The following NOP58 variants were observed in gnomAD, a reference collection of about 807,000 sequenced individuals.
NOP58 encodes NOP58 ribonucleoprotein, also known as nucleolar protein 58.
A neutral mutation model predicts 71.2 loss-of-function variants in NOP58; 44 were observed. The observed-to-expected ratio is 0.62, with a 90% CI of 0.49 to 0.79. NOP58 has a LOEUF of 0.79. Ranked by LOEUF, NOP58 falls within the 30% of genes least tolerant of loss-of-function variation. The pLI, the probability that NOP58 is intolerant of heterozygous loss-of-function variation, is 0.00. For synonymous variants in NOP58, 228 were observed against 200.3 expected, an observed-to-expected ratio of 1.14 and a Z score of -1.17; for missense variants, 538 against 620.2, an observed-to-expected ratio of 0.87 and a Z score of 1.41.
At chr2:202,277,632 GC>G (rs1287126207) in intron 2 of NOP58, among the ~76,000 whole-genome samples, 2 of 152,128 alleles carry the variant, frequency 1.3e-5, no homozygotes, top group African/African-American at 2.4e-5. Flanking sequence ...TCAATTCTAT[GC>G]TGTATAATAA....
intron 1 of NOP58, among the ~76,000 whole-genome samples, chr2:202,269,852 ATGT>A (rs1688488101): frequency 2.0e-5 from 3 of 152,234 alleles, no homozygotes; most frequent in Non-Finnish European, 4.4e-5. Context: ...CTGCTCTTCC[ATGT>A]GGTAGCCATT....
chr2:202,269,923 AACTT>A (rs1019267616), intron 1 of NOP58, among the ~76,000 whole-genome samples: 8 of 152,126 alleles, frequency 5.3e-5, no homozygotes, highest in African/African-American at 1.9e-4. Flanking sequence ...AGTGAATTTT[AACTT>A]ACTTGAATTT....
intron 2 of NOP58, among the ~76,000 whole-genome samples, chr2:202,276,193 C>T (rs1688586038): frequency 6.6e-6 from 1 of 151,848 alleles, no homozygotes; most frequent in African/African-American, 2.4e-5. Context: ...ACAAAATTAG[C>T]CGGGCGTGGT....
At chr2:202,274,408 T>G (rs889056798) in intron 1 of NOP58, among the ~76,000 whole-genome samples, 1 of 119,276 alleles carries the variant, frequency 8.4e-6, no homozygotes, top group African/African-American at 2.8e-5. Flanking sequence ...GTATTTTTTT[T>G]TTTTTTTTTT....
intron 10 of NOP58, among the ~76,000 whole-genome samples, chr2:202,296,988 C>G (rs552704844): frequency 1.3e-5 from 2 of 152,160 alleles, no homozygotes; most frequent in South Asian, 4.1e-4. Flanking sequence ...TCGCCTCGGC[C>G]TCCCAAAGTG....
chr2:202,278,466 AC>A (rs908496425), intron 3 of NOP58: 19 of 342,216 alleles, frequency 5.6e-5, no homozygotes, highest in African/African-American at 3.0e-4. Context: ...GTTCAAAAAA[AC>A]ATATCAATAT....
intron 2 of NOP58, among the ~76,000 whole-genome samples, chr2:202,277,326 G>T (rs1328505778): frequency 6.7e-6 from 1 of 148,720 alleles, no homozygotes; most frequent in African/African-American, 2.5e-5. Context: ...ACAAAAACTA[G>T]CCAGGCATGG....
In NOP58 at chr2:202,282,465, T is replaced by C. The variant is rs180787368; in HGVS notation, c.290T>C (p.Val97Ala). The C allele has an allele frequency of 1.0e-4, 163 of 1,607,126 alleles. No homozygotes were observed. Among genetic ancestry groups the C allele is most frequent in the Non-Finnish European group, 1.2e-4 (147 of 1,178,490 alleles). ...GTAGCTGATGCTAAACTAGGAGGGG[T>C]CATAAAGGTAAAGTCACGATATTTT... ...LAVADAKLGGVIKEKLNLSCI... is the reference protein window; with the variant it reads ...LAVADAKLGGAIKEKLNLSCI... The change falls in exon 4 of 15, where the codon GTC becomes GCC. Residue 97 changes from valine (V) to alanine (A), a missense_variant. By Grantham distance (64) the Val-to-Ala change is moderately conservative. Coordinates refer to ENST00000264279, the MANE Select transcript of NOP58 (RefSeq NM_015934.5).
chr2:202,266,300 GA>G (rs1688415245), intron 1 of NOP58, among the ~76,000 whole-genome samples: 1 of 148,084 alleles, frequency 6.8e-6, no homozygotes, highest in Non-Finnish European at 1.5e-5. Flanking sequence ...ATGATCGAAA[GA>G]TTTTTTTTTT....
At chr2:202,303,288 GCTTA>G (rs1231413056) in intron 14 of NOP58, 94 bp from the exon 15 acceptor site, 6 of 1,545,948 alleles carry the variant, frequency 3.9e-6, no homozygotes, top group East Asian at 2.3e-5. Context: ...ATTTGCTCAA[GCTTA>G]CTTTTTTTAT....
Position 202,297,443 on chromosome 2 carries a change from C to G in NOP58, c.1136C>G (p.Ser379Ter). Reference sequence around the variant, plus strand: ...CGTTATGATGCTTTTGGTGAGGATTCAAGTTCTGCAATGGGAGTTGAGAAC... The same window carrying G: ...CGTTATGATGCTTTTGGTGAGGATTGAAGTTCTGCAATGGGAGTTGAGAAC... Reference protein sequence around the residue: ...AIRYDAFGEDSSSAMGVENRA... With the variant: ...AIRYDAFGED Residue 379 changes from serine to a stop codon, truncating the protein, a stop_gained, in exon 11 of 15, where the codon TCA becomes TGA. Transcript: ENST00000264279. LOFTEE classifies it high-confidence loss of function. 1 of 1,613,992 alleles carries G rather than the reference C, an allele frequency of 6.2e-7. No homozygotes were observed. The highest frequency in any genetic ancestry group is 8.5e-7 in the Non-Finnish European group (1 of 1,179,900).
intron 3 of NOP58, chr2:202,278,237 G>A (rs1399995044): frequency 1.6e-6 from 1 of 609,980 alleles, no homozygotes; most frequent in East Asian, 3.5e-5. Flanking sequence ...TGTGTGAGGA[G>A]AGGTGAGAAG....
intron 3 of NOP58, 25 bp downstream of exon 3, chr2:202,278,027 C>CT (rs1688635574): frequency 6.9e-7 from 1 of 1,448,826 alleles, no homozygotes; most frequent in Non-Finnish European, 9.6e-7. Context: ...TAGAAGCTTG[C>CT]TTTTTTGAAA....
intron 13 of NOP58, among the ~76,000 whole-genome samples, chr2:202,301,238 G>A (rs1466913029): frequency 6.6e-6 from 1 of 151,840 alleles, no homozygotes; most frequent in African/African-American, 2.4e-5. Flanking sequence ...ATGCTGGAGT[G>A]CAGTGGCATG....
chr2:202,267,239 G>T (rs183608051), intron 1 of NOP58, among the ~76,000 whole-genome samples: 1 of 152,072 alleles, frequency 6.6e-6, no homozygotes, highest in Non-Finnish European at 1.5e-5. Context: ...AAGCAAAAAC[G>T]CTAGGTAAAA....
chr2:202,295,690 G>T lies in NOP58; in HGVS notation c.924G>T (p.Leu308Phe). The T allele has an allele frequency of 6.3e-7, 1 of 1,576,266 alleles. No individual in the cohort carries two copies. The highest frequency in any genetic ancestry group is 1.2e-5 in the South Asian group (1 of 84,388). The change falls in exon 10 of 15, where the codon TTG becomes TTT. Residue 308 changes from leucine (L) to phenylalanine (F), a missense_variant. By Grantham distance (22) the Leu-to-Phe change is conservative (BLOSUM62 0). Transcript: ENST00000264279. ...CTTTTGTAGGTTCTCTTTTAAATTT[G>T]GCCAAGCATGCAGCTTCTACCGTTC... ...LIAHAGSLLN[L>F]AKHAASTVQI...
At chr2:202,274,108 G>C (rs1688549423) in intron 1 of NOP58, among the ~76,000 whole-genome samples, 1 of 152,168 alleles carries the variant, frequency 6.6e-6, no homozygotes. Context: ...CTCACATCTA[G>C]ATGTGTCTCA....
intron 5 of NOP58, 37 bp from the exon 6 acceptor site, chr2:202,287,623 T>G: frequency 6.6e-7 from 1 of 1,516,272 alleles, no homozygotes; most frequent in Middle Eastern, 1.7e-4. Context: ...TTTTCCTAGA[T>G]GCTATCTTGC....
intron 2 of NOP58, chr2:202,276,635 T>C (rs1387886979): frequency 4.8e-5 from 15 of 314,596 alleles, no homozygotes; most frequent in Non-Finnish European, 5.9e-5. Flanking sequence ...AGCCCAGGAG[T>C]TCAAGACCAG....
Sources: gnomAD v4.1 joint callset for allele counts (sites outside exome capture counted in the v4.1 genomes callset) on GRCh38, gnomAD v4.1.1 for gene constraint, MANE v1.5 for transcripts, NCBI Gene and HGNC (gene_info 2026-07-23, HGNC 2026-07-21) for gene names.